Variants in ALDH1A2 observed in about 807,000 individuals in gnomAD.
The protein encoded by ALDH1A2 is aldehyde dehydrogenase 1 family member A2, also known as retinal dehydrogenase 2.
In ALDH1A2, 27 loss-of-function variants were observed where a neutral mutation model predicts 60.3. The observed-to-expected ratio is 0.45, with a 90% CI of 0.33 to 0.62. The LOEUF (loss-of-function observed/expected upper bound fraction) is 0.62. ALDH1A2 is among the 20% of genes least tolerant of loss of function. The pLI is 0.02. For synonymous variants in ALDH1A2, 289 were observed against 232.4 expected (o/e 1.24, Z -2.21); for missense variants, 581 against 643.8 (o/e 0.90, Z 1.06).
Position 57,992,718 on chromosome 15 carries a change from G to C in ALDH1A2, c.785C>G (p.Thr262Arg). ...TCAGATACCTACCTCAGTAGACCCTGTGAATGCAATCTTGTCTATGCCAAT... is the reference window on the plus strand; with the variant it reads ...TCAGATACCTACCTCAGTAGACCCTCTGAATGCAATCTTGTCTATGCCAAT... ...SHIGIDKIAFTGSTEVGKLIQ... is the reference protein window; with the variant it reads ...SHIGIDKIAFRGSTEVGKLIQ... The change falls in exon 7 of 13, where the codon ACA (threonine) becomes AGA (arginine). Residue 262 changes from threonine to arginine, a missense_variant. Coordinates refer to ENST00000249750, the MANE Select transcript of ALDH1A2 (RefSeq NM_003888.4). 2 of 1,614,102 alleles carry C rather than the reference G, an allele frequency of 1.2e-6. No individual in the cohort carries two copies. The highest frequency in any genetic ancestry group is 1.7e-6 in the Non-Finnish European group (2 of 1,179,952).
At chr15:57,983,806 C>T (rs1171121535) in intron 7 of ALDH1A2, among the ~76,000 whole-genome samples, 3 of 152,154 alleles carry the variant, frequency 2.0e-5, no homozygotes, top group Non-Finnish European at 4.4e-5. Flanking sequence ...CCACCTTTGC[C>T]TCTCCAAGAT....
intron 5 of ALDH1A2, 45 bp from the exon 6 acceptor site, chr15:57,993,118 CCACTACTT>C: frequency 6.2e-7 from 1 of 1,605,290 alleles, no homozygotes; most frequent in Non-Finnish European, 8.5e-7. Context: ...AAACATTCTT[CCACTACTT>C]TGTTTTCAAG....
intron 1 of ALDH1A2, among the ~76,000 whole-genome samples, chr15:58,037,013 A>G (rs4646580): frequency 0.47 from 71,255 of 151,372 alleles, 17,257 homozygotes; most frequent in Non-Finnish European, 0.54. Context: ...TGATACCCCG[A>G]TTTAAGAAGT....
intron 7 of ALDH1A2, among the ~76,000 whole-genome samples, chr15:57,979,172 G>A (rs368572701): frequency 8.1e-4 from 123 of 152,262 alleles, no homozygotes; most frequent in African/African-American, 2.8e-3. Flanking sequence ...GAGGGTCCTA[G>A]GGAAATCCAG....
rs146479073 is a variant in ALDH1A2 at position 57,969,957 on chromosome 15, G to A, written c.799-4130C>T. ...GGCTTCTAATGAATCTTCAATTTGG[G>A]AAAGCCACTTCTCCTCCTGGGTCTC... On this transcript the variant is annotated intron_variant, in intron 7 of 12. Transcript: ENST00000249750. 2.4e-3 allele frequency among the ~76,000 whole-genome samples: 361 copies of A among 152,282 alleles called. 1 individual carries two copies. The highest frequency in any genetic ancestry group is 8.4e-3 in the African/African-American group (349 of 41,564).
At chr15:58,027,321 T>C (rs1228301269) in intron 1 of ALDH1A2, among the ~76,000 whole-genome samples, 1 of 152,040 alleles carries the variant, frequency 6.6e-6, no homozygotes, top group Non-Finnish European at 1.5e-5. Context: ...GAAGGAAAAC[T>C]AACAAACAGA....
chr15:58,060,463 C>CTTTTTTTTTTTTTTTTTTTTTTTTTTTTT (rs35187901), intron 1 of ALDH1A2, among the ~76,000 whole-genome samples: 3 of 87,514 alleles, frequency 3.4e-5, no homozygotes, highest in Admixed American at 1.5e-4. Flanking sequence ...CCACACATAT[C>CTTTTTTTTTTTTTTTTTTTTTTTTTTTTT]TTTTTTTTTT....
chr15:58,014,470 C>A (rs1242098176), intron 1 of ALDH1A2, 189 bp from the exon 2 acceptor site: 4 of 643,520 alleles, frequency 6.2e-6, no homozygotes, highest in Non-Finnish European at 1.2e-5. Flanking sequence ...TTTGCTTTAA[C>A]ATCATCCAAA....
intron 1 of ALDH1A2, among the ~76,000 whole-genome samples, chr15:58,019,985 C>T (rs1287175325): frequency 1.3e-5 from 2 of 150,342 alleles, no homozygotes; most frequent in Middle Eastern, 3.2e-3. Context: ...CCTCCGCCCA[C>T]CCCCTCCAAC....
intron 7 of ALDH1A2, among the ~76,000 whole-genome samples, chr15:57,982,571 T>C (rs1308637985): frequency 6.6e-6 from 1 of 152,212 alleles, no homozygotes; most frequent in Non-Finnish European, 1.5e-5. Context: ...ACATTAATGC[T>C]GTAAAAATCC....
At chr15:58,054,423 C>T (rs1433809379) in intron 1 of ALDH1A2, among the ~76,000 whole-genome samples, 2 of 152,052 alleles carry the variant, frequency 1.3e-5, no homozygotes, top group African/African-American at 4.8e-5. Context: ...CCCCAAATGC[C>T]ACCCCTTTGT....
In ALDH1A2 at chr15:57,995,061, C is replaced by T. The variant is rs754541558; in HGVS notation, c.555+17G>A. 5.0e-6 allele frequency: 8 copies of T among 1,601,776 alleles called. No homozygotes were observed. The highest frequency in any genetic ancestry group is 4.0e-5 in the African/African-American group (3 of 74,462). On this transcript the variant is annotated intron_variant, in intron 5 of 12. Coordinates refer to ENST00000249750, the MANE Select transcript of ALDH1A2 (RefSeq NM_003888.4). ...GTCAAATGAAAATAAATACGAGGTG[C>T]GAGGAAATACACTCACTGGGATGAT...
At chr15:57,992,360 A>C (rs1218512578) in intron 7 of ALDH1A2, among the ~76,000 whole-genome samples, 2 of 152,236 alleles carry the variant, frequency 1.3e-5, no homozygotes, top group Non-Finnish European at 1.5e-5. Context: ...GAGAAGGGAA[A>C]GCTTGTGTCT....
intron 1 of ALDH1A2, among the ~76,000 whole-genome samples, chr15:58,024,586 T>C (rs1168796603): frequency 6.6e-6 from 1 of 152,132 alleles, no homozygotes; most frequent in Admixed American, 6.6e-5. Flanking sequence ...TAGATCTAAA[T>C]AGACAGACTA....
intron 9 of ALDH1A2, among the ~76,000 whole-genome samples, chr15:57,962,434 A>G (rs970992685): frequency 3.9e-5 from 6 of 152,242 alleles, no homozygotes; most frequent in Non-Finnish European, 7.3e-5. Context: ...CCAGCTGAAC[A>G]TTTAGAAAAA....
chr15:57,992,090 T>G (rs1336619200), intron 7 of ALDH1A2, among the ~76,000 whole-genome samples: 2 of 152,212 alleles, frequency 1.3e-5, no homozygotes, highest in African/African-American at 4.8e-5. Flanking sequence ...TCCATACAAA[T>G]TATGTAAAAA....
At chr15:58,060,682 G>A (rs1189640711) in intron 1 of ALDH1A2, among the ~76,000 whole-genome samples, 4 of 152,190 alleles carry the variant, frequency 2.6e-5, no homozygotes, top group Admixed American at 6.5e-5. Context: ...GGTTTCTGTG[G>A]CTCTGCCATT....
chr15:57,995,314 A>G (rs1895020421), intron 4 of ALDH1A2, among the ~76,000 whole-genome samples, 175 bp from the exon 5 acceptor site: 1 of 151,858 alleles, frequency 6.6e-6, no homozygotes. Context: ...TGGACATAGC[A>G]TATTTCTGGA....
chr15:58,011,609 T>C (rs1895635359), intron 3 of ALDH1A2, among the ~76,000 whole-genome samples: 1 of 152,196 alleles, frequency 6.6e-6, no homozygotes, highest in African/African-American at 2.4e-5. Flanking sequence ...TTATAAGACA[T>C]ACTGGTGTGA....
Sources: allele counts gnomAD v4.1 joint callset (sites outside exome capture counted in the v4.1 genomes callset), GRCh38; gene constraint gnomAD v4.1.1; transcripts MANE v1.5; gene names NCBI Gene and HGNC (gene_info 2026-07-23, HGNC 2026-07-21).